Variants in RGS5 observed in about 807,000 individuals in gnomAD.
RGS5 encodes the protein regulator of G protein signaling 5.
Under a neutral mutation model 18.9 loss-of-function variants are expected in RGS5, and 20 were observed. That is an observed-to-expected ratio of 1.06 (90% CI 0.74 to 1.54). The LOEUF (loss-of-function observed/expected upper bound fraction) is 1.54. Ranked by LOEUF, RGS5 falls within the 40% of genes most tolerant of loss-of-function variation. The pLI is 0.00. For missense variants in RGS5, 201 were observed against 211.8 expected (o/e 0.95, Z 0.32); for synonymous variants, 57 against 76.2 (o/e 0.75, Z 1.31).
At chr1:163,153,845 C>T in intron 3 of RGS5, among the ~76,000 whole-genome samples, 1 of 146,080 alleles carries the variant, frequency 6.8e-6, no homozygotes, top group East Asian at 2.0e-4. Flanking sequence ...TATATATAAA[C>T]CAAAATTCTA....
rs773829742 is a variant in RGS5, at chr1:163,147,328, G to T, written c.*14C>A. On this transcript the variant is annotated 3_prime_UTR_variant, in exon 5 of 5. Transcript: ENST00000313961. ...AAATAACTCACAGGATGATTTCATAGCCTGGCTAAATTACTACTTGATTAA... is the reference window on the plus strand; with the variant it reads ...AAATAACTCACAGGATGATTTCATATCCTGGCTAAATTACTACTTGATTAA... 1 of 1,573,218 alleles carries T rather than the reference G, an allele frequency of 6.4e-7. No homozygotes were observed. Among genetic ancestry groups the T allele is most frequent in the East Asian group, 2.3e-5 (1 of 43,300 alleles).
intron 1 of RGS5, among the ~76,000 whole-genome samples, chr1:163,177,258 A>C (rs1222956327): frequency 6.6e-6 from 1 of 152,242 alleles, no homozygotes; most frequent in African/African-American, 2.4e-5. Flanking sequence ...TCCTCTATCC[A>C]GACATTGATG....
At chr1:163,192,718 G>A (rs1659408229) in intron 1 of RGS5, among the ~76,000 whole-genome samples, 1 of 152,004 alleles carries the variant, frequency 6.6e-6, no homozygotes, top group African/African-American at 2.4e-5. Context: ...TTTGCACTTC[G>A]GTGATTCAGA....
intron 2 of RGS5, among the ~76,000 whole-genome samples, chr1:163,286,506 T>C: frequency 6.6e-6 from 1 of 152,238 alleles, no homozygotes; most frequent in South Asian, 2.1e-4. Flanking sequence ...TTTCTTATTA[T>C]TTATATTTGA....
chr1:163,299,351 T>G (rs941983587), intron 2 of RGS5, among the ~76,000 whole-genome samples: 11 of 152,144 alleles, frequency 7.2e-5, no homozygotes, highest in Non-Finnish European at 2.9e-5. Context: ...CTTTTCCAAA[T>G]TTTGAGGGCT....
At chr1:163,160,429 A>G (rs2102391800) in intron 3 of RGS5, among the ~76,000 whole-genome samples, 1 of 152,190 alleles carries the variant, frequency 6.6e-6, no homozygotes, top group East Asian at 1.9e-4. Flanking sequence ...TAGGTCCAAG[A>G]AGCAAAATGA....
At chr1:163,234,213 T>G (rs1445542034) in intron 2 of RGS5, among the ~76,000 whole-genome samples, 4 of 152,256 alleles carry the variant, frequency 2.6e-5, no homozygotes, top group Non-Finnish European at 4.4e-5. Context: ...AGATGTTCTT[T>G]ACCAGATAAA....
upstream of RGS5, among the ~76,000 whole-genome samples, chr1:163,219,290 A>C (rs765216210): frequency 9.9e-5 from 15 of 152,102 alleles, no homozygotes; most frequent in Non-Finnish European, 1.9e-4. Context: ...GTTGACTGTA[A>C]AAAAGCATAG....
intron 3 of RGS5, among the ~76,000 whole-genome samples, chr1:163,152,991 C>T (rs1170988167): frequency 1.3e-5 from 2 of 152,108 alleles, no homozygotes; most frequent in African/African-American, 2.4e-5. Flanking sequence ...ATTGTCTTTC[C>T]AAACAATCAA....
chr1:163,252,932 T>G (rs1396551), intron 2 of RGS5, among the ~76,000 whole-genome samples: 30,056 of 152,060 alleles, frequency 0.2, 3,393 homozygotes, highest in Non-Finnish European at 0.25. Flanking sequence ...GAAGAATCTG[T>G]AGCACATTTA....
At chr1:163,176,853 T>C (rs1658583129) in intron 1 of RGS5, among the ~76,000 whole-genome samples, 1 of 152,134 alleles carries the variant, frequency 6.6e-6, no homozygotes, top group African/African-American at 2.4e-5. Flanking sequence ...AACAATGAAA[T>C]AAAAAATTTT....
intron 2 of RGS5, among the ~76,000 whole-genome samples, chr1:163,259,621 A>G (rs1648376219): frequency 6.6e-6 from 1 of 152,200 alleles, no homozygotes; most frequent in Non-Finnish European, 1.5e-5. Flanking sequence ...CATATGATAT[A>G]TAACTCCTAA....
chr1:163,185,068 T>C (rs1181763888), intron 1 of RGS5, among the ~76,000 whole-genome samples: 3 of 152,234 alleles, frequency 2.0e-5, no homozygotes, highest in Non-Finnish European at 2.9e-5. Flanking sequence ...CTAATTCTTT[T>C]AACCTCTTTT....
intron 2 of RGS5, chr1:163,266,731 C>T (rs1648581600): frequency 6.6e-6 from 1 of 152,048 alleles, no homozygotes; most frequent in Admixed American, 6.6e-5. Context: ...GGACTTATTT[C>T]ACTACATCTT....
At chr1:163,219,568 T>C (rs549246838), upstream of RGS5, among the ~76,000 whole-genome samples, 9 of 152,286 alleles carry the variant, frequency 5.9e-5, no homozygotes, top group African/African-American at 2.2e-4. Context: ...ATTCTAATTC[T>C]CTCATGAGTG....
chr1:163,186,421 G>A (rs1659081740), intron 1 of RGS5, among the ~76,000 whole-genome samples: 1 of 151,766 alleles, frequency 6.6e-6, no homozygotes, highest in South Asian at 2.1e-4. Context: ...TGAAAGATGT[G>A]CTAATGGAAG....
chr1:163,197,159 C>A (rs954948177), intron 1 of RGS5, among the ~76,000 whole-genome samples: 3 of 152,046 alleles, frequency 2.0e-5, no homozygotes, highest in African/African-American at 4.8e-5. Flanking sequence ...AGAAACTCAG[C>A]GGTTTCCCTC....
At chr1:163,276,826 A>G (rs1244938145) in intron 2 of RGS5, among the ~76,000 whole-genome samples, 1 of 152,196 alleles carries the variant, frequency 6.6e-6, no homozygotes, top group Non-Finnish European at 1.5e-5. Flanking sequence ...CAGAAGGGGA[A>G]GATTGTAAAC....
chr1:163,274,622 G>T (rs1196050553), intron 2 of RGS5, among the ~76,000 whole-genome samples: 1 of 152,152 alleles, frequency 6.6e-6, no homozygotes, highest in Non-Finnish European at 1.5e-5. Flanking sequence ...AGGATACCTG[G>T]CCTGAAACTT....
Sources: gnomAD v4.1 joint callset for allele counts (sites outside exome capture counted in the v4.1 genomes callset) on GRCh38, gnomAD v4.1.1 for gene constraint, MANE v1.5 for transcripts, NCBI Gene and HGNC (gene_info 2026-07-23, HGNC 2026-07-21) for gene names.